The following SLC39A12 variants were observed in gnomAD, a reference collection of about 807,000 sequenced individuals.
The protein encoded by SLC39A12 is zinc transporter ZIP12.
In SLC39A12, 63 loss-of-function variants were observed where a neutral mutation model predicts 71.1. The observed-to-expected ratio is 0.89, with a 90% CI of 0.72 to 1.09. The LOEUF (loss-of-function observed/expected upper bound fraction) is 1.09, where lower values mean the gene tolerates loss of function less well. Among genes scored for constraint, SLC39A12 ranks in the 50% least tolerant of loss-of-function variants. The pLI, the probability that SLC39A12 is intolerant of heterozygous loss-of-function variation, is 0.00. For missense variants in SLC39A12, 892 were observed against 812.6 expected, an observed-to-expected ratio of 1.10 and a Z score of -1.19; for synonymous variants, 351 against 301.3, an observed-to-expected ratio of 1.16 and a Z score of -1.71.
chr10:18,039,711 G>T (rs1837166574), intron 12 of SLC39A12, among the ~76,000 whole-genome samples: 1 of 152,152 alleles, frequency 6.6e-6, no homozygotes, highest in African/African-American at 2.4e-5. Flanking sequence ...CTGGGCAACA[G>T]TGAGACCCTG....
chr10:18,038,870 T>C (rs1370076864), intron 12 of SLC39A12, among the ~76,000 whole-genome samples: 7 of 152,178 alleles, frequency 4.6e-5, no homozygotes, highest in East Asian at 1.9e-4. Context: ...GAGGCAAAGA[T>C]GGAAATTCAA....
intron 12 of SLC39A12, among the ~76,000 whole-genome samples, chr10:18,011,913 T>G (rs1369827867): frequency 6.6e-6 from 1 of 152,250 alleles, no homozygotes; most frequent in Non-Finnish European, 1.5e-5. Context: ...GCAAATAAAA[T>G]TTTTAAAGCT....
At chr10:18,041,899 A>G (rs1438941118) in intron 12 of SLC39A12, among the ~76,000 whole-genome samples, 1 of 147,804 alleles carries the variant, frequency 6.8e-6, no homozygotes, top group Non-Finnish European at 1.5e-5. Flanking sequence ...ATATATGTAT[A>G]TGTATATATG....
intron 12 of SLC39A12, chr10:18,009,594 T>C (rs1203746100): frequency 2.0e-5 from 3 of 152,254 alleles, no homozygotes; most frequent in Non-Finnish European, 4.4e-5. Flanking sequence ...TTTACTTATC[T>C]AATAACTTTG....
At chr10:18,018,763 G>A (rs1055531854) in intron 12 of SLC39A12, among the ~76,000 whole-genome samples, 2 of 152,056 alleles carry the variant, frequency 1.3e-5, no homozygotes, top group African/African-American at 4.8e-5. Context: ...TTTGTACATT[G>A]TTGGTTTTGA....
chr10:17,957,587 T>C, intron 2 of SLC39A12, among the ~76,000 whole-genome samples: 1 of 151,962 alleles, frequency 6.6e-6, no homozygotes, highest in South Asian at 2.1e-4. Flanking sequence ...GCCTGTGGGG[T>C]GGCAGTATTT....
intron 12 of SLC39A12, among the ~76,000 whole-genome samples, chr10:18,038,118 C>T (rs1418877522): frequency 3.4e-5 from 5 of 146,378 alleles, no homozygotes; most frequent in African/African-American, 1.3e-4. Context: ...ATACAGGAGC[C>T]TGTTGCAACT....
chr10:17,983,358 C>A (rs1349419837), intron 6 of SLC39A12, among the ~76,000 whole-genome samples: 2 of 151,824 alleles, frequency 1.3e-5, no homozygotes, highest in East Asian at 3.9e-4. Context: ...CATGGTGGCA[C>A]GTACCTGTGG....
At chr10:18,008,263 G>A (rs1054988468) in intron 12 of SLC39A12, among the ~76,000 whole-genome samples, 3 of 152,270 alleles carry the variant, frequency 2.0e-5, no homozygotes, top group East Asian at 3.9e-4. Flanking sequence ...ATCAGCGGGG[G>A]CATTAGGTTC....
intron 8 of SLC39A12, among the ~76,000 whole-genome samples, chr10:17,992,928 T>C (rs1835591197): frequency 6.6e-6 from 1 of 152,246 alleles, no homozygotes; most frequent in Non-Finnish European, 1.5e-5. Flanking sequence ...AGAAAGAATT[T>C]AAAATTTAAT....
intron 12 of SLC39A12, among the ~76,000 whole-genome samples, chr10:18,041,742 T>C (rs1416974736): frequency 1.4e-5 from 2 of 140,804 alleles, no homozygotes; most frequent in African/African-American, 2.6e-5. Flanking sequence ...TATATGTATA[T>C]ACATGTATAT....
chr10:17,991,544 C>G (rs1022090142), intron 8 of SLC39A12, among the ~76,000 whole-genome samples: 1 of 152,110 alleles, frequency 6.6e-6, no homozygotes, highest in Non-Finnish European at 1.5e-5. Flanking sequence ...GGTTTAGGAA[C>G]TGGGGACTAT....
intron 2 of SLC39A12, among the ~76,000 whole-genome samples, chr10:17,959,235 G>A (rs1437243978): frequency 6.6e-6 from 1 of 151,846 alleles, no homozygotes. Context: ...TTTCTTCTGG[G>A]CTACTTAGGA....
intron 12 of SLC39A12, among the ~76,000 whole-genome samples, chr10:18,033,488 G>A (rs1358851652): frequency 6.4e-4 from 95 of 149,182 alleles, no homozygotes; most frequent in Non-Finnish European, 2.1e-4. Context: ...TGTGGGATCG[G>A]TGGTGATATC....
chr10:17,954,545 C>T (rs1011101518), intron 2 of SLC39A12, among the ~76,000 whole-genome samples: 5 of 152,130 alleles, frequency 3.3e-5, no homozygotes, highest in Non-Finnish European at 7.3e-5. Context: ...TGAGCCACGG[C>T]GCCCGGCCTC....
chr10:18,030,799 C>G (rs1281293044), intron 12 of SLC39A12, among the ~76,000 whole-genome samples: 6 of 109,014 alleles, frequency 5.5e-5, no homozygotes, highest in Admixed American at 1.1e-4. Context: ...CCTCCCCCCT[C>G]CCCCCACCCC....
At chr10:18,041,601 GTATATATA>G in intron 12 of SLC39A12, among the ~76,000 whole-genome samples, 1 of 134,100 alleles carries the variant, frequency 7.5e-6, no homozygotes, top group African/African-American at 2.9e-5. Flanking sequence ...ATATATATGT[GTATATATA>G]TGTATATACA....
At chr10:17,974,291 A>AT (rs1217694309) in intron 4 of SLC39A12, among the ~76,000 whole-genome samples, 2 of 151,730 alleles carry the variant, frequency 1.3e-5, no homozygotes, top group African/African-American at 2.4e-5. Context: ...CGGCGAGGTC[A>AT]TTTTTTTCCT....
intron 12 of SLC39A12, chr10:18,010,381 C>T (rs1382695798): frequency 6.6e-6 from 1 of 152,154 alleles, no homozygotes; most frequent in Non-Finnish European, 1.5e-5. Context: ...TAGTTAAAAT[C>T]AATGAGTTCC....
Sources: gnomAD v4.1 joint callset for allele counts (sites outside exome capture counted in the v4.1 genomes callset) on GRCh38, gnomAD v4.1.1 for gene constraint, MANE v1.5 for transcripts, NCBI Gene and HGNC (gene_info 2026-07-23, HGNC 2026-07-21) for gene names.